ITPR3: variants seen among roughly 807,000 people sequenced by gnomAD.
The protein encoded by ITPR3 is inositol 1,4,5-trisphosphate receptor type 3.
A neutral mutation model predicts 293.2 loss-of-function variants in ITPR3; 173 were observed. The observed-to-expected ratio is 0.59, with a 90% CI of 0.52 to 0.67. The LOEUF (loss-of-function observed/expected upper bound fraction) is 0.67, where lower values mean the gene tolerates loss of function less well. Ranked by LOEUF, ITPR3 falls within the 30% of genes least tolerant of loss-of-function variation. The pLI is 0.00. For synonymous variants in ITPR3, 1,295 were observed against 1,444.4 expected (o/e 0.90, Z 2.35); for missense variants, 2,796 against 3,592.1 (o/e 0.78, Z 5.66).
At chr6:33,652,613 G>T (rs565706528) in intron 2 of ITPR3, among the ~76,000 whole-genome samples, 8 of 151,606 alleles carry the variant, frequency 5.3e-5, no homozygotes, top group African/African-American at 1.9e-4. Flanking sequence ...TTACAGGTGC[G>T]TGCCACCATG....
rs978424389 is a variant in ITPR3, at chr6:33,678,671, C to T, written c.3804C>T (p.Phe1268=). ...LLEAETMQHI[F]LNNYQLCSEI... ...AGGCAGAGACCATGCAGCACATCTT[C>T]CTGAACAACTATCAGCTCTGCTCCG... The change falls in exon 30 of 58, where the codon TTC becomes TTT. Residue 1268 remains phenylalanine (F), a synonymous_variant. Coordinates refer to ENST00000605930, the MANE Select transcript of ITPR3 (RefSeq NM_002224.4). The T allele has an allele frequency of 3.8e-5, 61 of 1,612,946 alleles. 1 individual carries two copies. Among genetic ancestry groups the T allele is most frequent in the African/African-American group, 1.1e-4 (8 of 74,930 alleles).
At chr6:33,636,775 C>T (rs755133420) in intron 1 of ITPR3, among the ~76,000 whole-genome samples, 2 of 151,904 alleles carry the variant, frequency 1.3e-5, no homozygotes, top group African/African-American at 4.8e-5. Flanking sequence ...TGGGAGTTCT[C>T]AGTGAAGGTT....
At position 33,657,088 on chromosome 6, in the gene ITPR3, C is replaced by T. The variant is rs1032912476; in HGVS notation, c.283-844C>T. Among the ~76,000 whole-genome samples, 160 of 152,346 alleles carry T rather than the reference C, an allele frequency of 1.1e-3. 1 individual carries two copies. Among genetic ancestry groups the T allele is most frequent in the African/African-American group, 3.8e-3 (158 of 41,580 alleles). ...CCGCAAGCGGTCACACAGCCACATG[C>T]TGTTGCTTTGTGGAAAGTCACATGG... is the stretch of plus-strand genomic sequence containing the variant. On this transcript the variant is annotated intron_variant, in intron 3 of 57. Coordinates refer to ENST00000605930, the MANE Select transcript of ITPR3 (RefSeq NM_002224.4).
Position 33,692,652 on chromosome 6 carries a change from C to T in ITPR3, c.7459-76C>T. 3 of 1,459,400 alleles carry T rather than the reference C, an allele frequency of 2.1e-6. No individual in the cohort carries two copies. The highest frequency in any genetic ancestry group is 1.2e-5 in the South Asian group (1 of 81,370). The allele number at this position is 1,459,400 out of a possible 1,614,324, so 90.4% of individuals were successfully genotyped here. A position where few individuals can be genotyped will look rare whatever the true frequency, so the allele number is the denominator to read the frequency against. On this transcript the variant is annotated intron_variant, in intron 54 of 57. Transcript: ENST00000605930. This position sits in a 1 kb window ranked among gnomAD's most constrained non-coding sequence, Gnocchi z 4.2. ...TGGGTCCTCAATATCACAGCCCTGG[C>T]CCCAACCTGAGTCCTATCTTGCCCC...
In ITPR3 at chr6:33,691,114, T is replaced by C; in HGVS notation, c.7225+5T>C. 1 of 1,613,944 alleles carries C rather than the reference T, an allele frequency of 6.2e-7. No homozygotes were observed. The highest frequency in any genetic ancestry group is 8.5e-7 in the Non-Finnish European group (1 of 1,179,830). ...TGCCCAACAACCACTCCACAGGTCTTGGAGGCTTCCTCTCCTGGGCAGGTT... is the reference window on the plus strand; with the variant it reads ...TGCCCAACAACCACTCCACAGGTCTCGGAGGCTTCCTCTCCTGGGCAGGTT... On this transcript the variant is annotated splice_donor_5th_base_variant and intron_variant, in intron 52 of 57. Transcript: ENST00000605930. This position sits in a 1 kb window ranked among gnomAD's most constrained non-coding sequence, Gnocchi z 4.9.
At position 33,661,988 on chromosome 6, in the gene ITPR3, C is replaced by T. The variant is rs55908612; in HGVS notation, c.712-540C>T. ...CCATCCTGGGCAACAGAGTGACTGT[C>T]TCTGAAAAAAAAAAAAAAAAAAAAA... On this transcript the variant is annotated intron_variant, in intron 7 of 57. Coordinates refer to ENST00000605930, the MANE Select transcript of ITPR3 (RefSeq NM_002224.4). Among the ~76,000 whole-genome samples the T allele has an allele frequency of 8.5e-3, 304 of 35,840 alleles. 1 individual carries two copies. The highest frequency in any genetic ancestry group is 0.029 in the Middle Eastern group (2 of 68). 23.5% of individuals were successfully genotyped at this position (35,840 alleles called of 152,430 possible).
rs939971989 is a variant in ITPR3 at position 33,679,218 on chromosome 6, G to A, written c.3972+379G>A. 5.3e-5 allele frequency among the ~76,000 whole-genome samples: 8 copies of A among 152,176 alleles called. No individual in the cohort carries two copies. The highest frequency in any genetic ancestry group is 3.3e-4 in the Admixed American group (5 of 15,276). On this transcript the variant is annotated intron_variant, in intron 30 of 57. Coordinates refer to ENST00000605930, the MANE Select transcript of ITPR3 (RefSeq NM_002224.4). The surrounding 1 kb of genome is among the most constrained non-coding windows in gnomAD (Gnocchi z 4.2). ...CTGAGTGTCAGCTCCTGGGGGGCACGGGCAGGGACCCCATCCTTTGTGTGC... is the reference window on the plus strand; with the variant it reads ...CTGAGTGTCAGCTCCTGGGGGGCACAGGCAGGGACCCCATCCTTTGTGTGC...
At chr6:33,695,402 G>GT in intron 57 of ITPR3, 1 of 558,664 alleles carries the variant, frequency 1.8e-6, no homozygotes, top group Non-Finnish European at 3.2e-6. Flanking sequence ...AGATGGGGGA[G>GT]TTTAAGGCCC....
chr6:33,659,354 C>T (rs1015903346), intron 6 of ITPR3, 112 bp from the exon 7 acceptor site: 11 of 1,043,402 alleles, frequency 1.1e-5, no homozygotes, highest in African/African-American at 3.1e-5. Context: ...GGAGAAGACA[C>T]CCTGTCCTTG....
chr6:33,629,469 C>T (rs1464511473), intron 1 of ITPR3, among the ~76,000 whole-genome samples: 4 of 150,712 alleles, frequency 2.7e-5, no homozygotes, highest in African/African-American at 4.9e-5. Flanking sequence ...TGTGTTTGAC[C>T]GACCATTGGT....
Position 33,667,693 on chromosome 6 carries a change from G to T in ITPR3, c.1714-99G>T. 1 of 1,334,814 alleles carries T rather than the reference G, an allele frequency of 7.5e-7. No individual in the cohort carries two copies. Among genetic ancestry groups the T allele is most frequent in the Non-Finnish European group, 1.0e-6 (1 of 964,198 alleles). The allele number at this position is 1,334,814 out of a possible 1,614,324, so 82.7% of individuals were successfully genotyped here. The stretch of plus-strand genomic sequence containing the variant: ...GGACCTCTGCCTTTCTAGGGTATTG[G>T]GTCCTTACCTCGGGGTTTGGGGGCA... On this transcript the variant is annotated intron_variant, in intron 15 of 57. Coordinates refer to ENST00000605930, the MANE Select transcript of ITPR3 (RefSeq NM_002224.4). The surrounding 1 kb of genome is among the most constrained non-coding windows in gnomAD (Gnocchi z 4.4).
intron 1 of ITPR3, among the ~76,000 whole-genome samples, chr6:33,627,315 A>G (rs1442439688): frequency 1.3e-5 from 2 of 152,228 alleles, no homozygotes; most frequent in African/African-American, 4.8e-5. Flanking sequence ...GGCTTACATG[A>G]ACATTCCCTA....
chr6:33,658,891 T>G lies in ITPR3; in HGVS notation c.528+63T>G. The G allele has an allele frequency of 6.2e-7, 1 of 1,605,988 alleles. No homozygotes were observed. On this transcript the variant is annotated intron_variant, in intron 5 of 57. Coordinates refer to ENST00000605930, the MANE Select transcript of ITPR3 (RefSeq NM_002224.4). The surrounding 1 kb of genome is among the most constrained non-coding windows in gnomAD (Gnocchi z 6.1). ...CTCCCGAGGGGCTTCTGTAGGGTCT[T>G]CGGTGTGGGGACTGGATAAGGGCAT...
rs1372664101 is a variant in ITPR3, at chr6:33,655,203, G to T, written c.161-563G>T. Among the ~76,000 whole-genome samples, 1 of 152,186 alleles carries T rather than the reference G, an allele frequency of 6.6e-6. No homozygotes were observed. Among genetic ancestry groups the T allele is most frequent in the Non-Finnish European group, 1.5e-5 (1 of 68,036 alleles). Reference sequence around the variant, plus strand: ...AGGAGAAGAAGCTGAGCAAGGGTGTGGTTTCAGTGGAAGATGCGCCTCAGC... The same window carrying T: ...AGGAGAAGAAGCTGAGCAAGGGTGTTGTTTCAGTGGAAGATGCGCCTCAGC... On this transcript the variant is annotated intron_variant, in intron 2 of 57. Coordinates refer to ENST00000605930, the MANE Select transcript of ITPR3 (RefSeq NM_002224.4). The surrounding 1 kb of genome is among the most constrained non-coding windows in gnomAD (Gnocchi z 4.9).
chr6:33,670,565 C>T lies in ITPR3; in HGVS notation c.2430C>T (p.Ile810=), dbSNP rs752822709. The T allele has an allele frequency of 1.9e-6, 3 of 1,600,236 alleles. No homozygotes were observed. In the East Asian group the frequency reaches 6.8e-5, roughly 36 times the overall value. ...ARLWTEIPTA[I]TIKDYDSNLN... ...TCTGGACTGAGATCCCCACAGCCAT[C>T]ACCATCAAGGAGTGAGAGGGGTGGA... The change falls in exon 19 of 58, where the codon ATC becomes ATT. Residue 810 remains isoleucine, a synonymous_variant. Transcript: ENST00000605930. The surrounding 1 kb of genome is among the most constrained non-coding windows in gnomAD (Gnocchi z 6.7).
chr6:33,670,602 C>T lies in ITPR3; in HGVS notation c.2441+26C>T, dbSNP rs757481882. 1.2e-4 allele frequency: 61 copies of T among 507,132 alleles called. No homozygotes were observed. The highest frequency in any genetic ancestry group is 2.9e-4 in the East Asian group (5 of 17,224). 31.4% of individuals were successfully genotyped at this position (507,132 alleles called of 1,614,324 possible). A position where few individuals can be genotyped will look rare whatever the true frequency, so the allele number is the denominator to read the frequency against. On this transcript the variant is annotated intron_variant, in intron 19 of 57. Transcript: ENST00000605930. The surrounding 1 kb of genome is among the most constrained non-coding windows in gnomAD (Gnocchi z 6.7). ...GTGAGAGGGGTGGAGGCAGGGTGGG[C>T]GGGGCAGGGGCAGAGGCTGGAGTGG...
intron 17 of ITPR3, 99 bp from the exon 18 acceptor site, chr6:33,668,875 C>T (rs1174227645): frequency 8.3e-6 from 11 of 1,321,068 alleles, no homozygotes; most frequent in South Asian, 5.5e-5. Context: ...TCTGGGTCCC[C>T]GTGGTGGCTG....
chr6:33,683,451 A>G lies in ITPR3; in HGVS notation c.4788+54A>G. ...TCGGGAGCTGCTTGGTTGAGTCAGCAGCTCCCCTACTTTGGAGGGGCAAGT... is the reference window on the plus strand; with the variant it reads ...TCGGGAGCTGCTTGGTTGAGTCAGCGGCTCCCCTACTTTGGAGGGGCAAGT... On this transcript the variant is annotated intron_variant, in intron 35 of 57. Coordinates refer to ENST00000605930, the MANE Select transcript of ITPR3 (RefSeq NM_002224.4). The surrounding 1 kb of genome is among the most constrained non-coding windows in gnomAD (Gnocchi z 4.5). 7.2e-7 allele frequency: 1 copy of G among 1,386,404 alleles called. No individual in the cohort carries two copies. Among genetic ancestry groups the G allele is most frequent in the Non-Finnish European group, 9.6e-7 (1 of 1,041,982 alleles). The allele number at this position is 1,386,404 out of a possible 1,614,324, so 85.9% of individuals were successfully genotyped here.
chr6:33,675,973 G>A lies in ITPR3; in HGVS notation c.3282+117G>A, dbSNP rs1431960896. 2.4e-6 allele frequency: 3 copies of A among 1,257,774 alleles called. No homozygotes were observed. Among genetic ancestry groups the A allele is most frequent in the African/African-American group, 3.1e-5 (2 of 65,556 alleles). The allele number at this position is 1,257,774 out of a possible 1,614,324, so 77.9% of individuals were successfully genotyped here. Reference sequence around the variant, plus strand: ...GGGGTAACTTGGGATGCCCATTTGGGGTTTTCAGCCTTGCTGAGTTCCTAG... The same window carrying A: ...GGGGTAACTTGGGATGCCCATTTGGAGTTTTCAGCCTTGCTGAGTTCCTAG... On this transcript the variant is annotated intron_variant, in intron 25 of 57. Transcript: ENST00000605930. The surrounding 1 kb of genome is among the most constrained non-coding windows in gnomAD (Gnocchi z 5.0).
Sources: gnomAD v4.1 joint callset for allele counts (sites outside exome capture counted in the v4.1 genomes callset) on GRCh38, gnomAD v4.1.1 for gene constraint, Gnocchi (gnomAD v3.1) non-coding constraint, MANE v1.5 for transcripts, NCBI Gene and HGNC (gene_info 2026-07-23, HGNC 2026-07-21) for gene names.